The following SRPK2 variants were observed in gnomAD, a reference collection of about 807,000 sequenced individuals.
SRPK2 encodes the protein SRSF protein kinase 2.
A neutral mutation model predicts 90.8 loss-of-function variants in SRPK2; 21 were observed. The observed-to-expected ratio is 0.23, with a 90% confidence interval of 0.16 to 0.33. The LOEUF (loss-of-function observed/expected upper bound fraction) is 0.33. Ranked by LOEUF, SRPK2 falls within the 10% of genes least tolerant of loss-of-function variation. The pLI is 1.00. For synonymous variants in SRPK2, 288 were observed against 311.1 expected (o/e 0.93, Z 0.78); for missense variants, 620 against 869.0 (o/e 0.71, Z 3.60).
rs150413330 is a variant in SRPK2 at position 105,345,408 on chromosome 7, A to G, written c.71+43240T>C. ...TAGATTGAAAAACTAAAATCTAAAC[A>G]GTAGCTTTTGAGTTTGATGAGATAC... On this transcript the variant is annotated intron_variant, in intron 2 of 15. Transcript: ENST00000393651. Among the ~76,000 whole-genome samples, 770 of 152,336 alleles carry G rather than the reference A, an allele frequency of 5.1e-3. 6 individuals are homozygous for G. The highest frequency in any genetic ancestry group is 0.018 in the African/African-American group (736 of 41,578).
intron 2 of SRPK2, among the ~76,000 whole-genome samples, chr7:105,334,619 C>T (rs1228003256): frequency 6.6e-6 from 1 of 151,988 alleles, no homozygotes; most frequent in Non-Finnish European, 1.5e-5. Flanking sequence ...AGGAGGATCA[C>T]TTGAGGTCAG....
chr7:105,235,061 A>G (rs1439280744), intron 2 of SRPK2, among the ~76,000 whole-genome samples: 1 of 145,712 alleles, frequency 6.9e-6, no homozygotes, highest in Non-Finnish European at 1.5e-5. Flanking sequence ...TGTGTGGCCC[A>G]AGCCAATTCT....
intron 2 of SRPK2, among the ~76,000 whole-genome samples, chr7:105,300,125 C>T (rs1045725131): frequency 4.0e-5 from 6 of 151,392 alleles, no homozygotes; most frequent in Admixed American, 1.3e-4. Context: ...ACATGGCGTG[C>T]ATCTGTAGGC....
chr7:105,369,126 T>TTATTATTAA (rs1376228454), intron 2 of SRPK2, among the ~76,000 whole-genome samples: 2 of 2,900 alleles, frequency 6.9e-4, no homozygotes, highest in Non-Finnish European at 2.0e-3. Context: ...AAGATTTATT[T>TTATTATTAA]TATTATTATT....
chr7:105,320,126 T>G (rs1223887858), intron 2 of SRPK2, among the ~76,000 whole-genome samples: 1 of 152,218 alleles, frequency 6.6e-6, no homozygotes, highest in Non-Finnish European at 1.5e-5. Flanking sequence ...CAGGTTGATT[T>G]TGCTATATAT....
intron 2 of SRPK2, among the ~76,000 whole-genome samples, chr7:105,272,025 C>A (rs1004515402): frequency 6.6e-6 from 1 of 152,114 alleles, no homozygotes; most frequent in Non-Finnish European, 1.5e-5. Context: ...TTAGAACCTT[C>A]TAGATTTTGT....
chr7:105,385,169 G>GACAGCAGCCCTCTTTTTAAACAGGAAT (rs1286337318), intron 2 of SRPK2, among the ~76,000 whole-genome samples: 2 of 103,222 alleles, frequency 1.9e-5, no homozygotes, highest in African/African-American at 8.4e-5. Flanking sequence ...ACCGCGCCCG[G>GACAGCAGCCCTCTTTTTAAACAGGAAT]CATTTTTTTT....
intron 2 of SRPK2, among the ~76,000 whole-genome samples, chr7:105,292,468 C>T (rs1408451221): frequency 1.5e-5 from 2 of 132,910 alleles, no homozygotes; most frequent in Non-Finnish European, 3.1e-5. Context: ...TGCCACTACA[C>T]TCCAGCCTGG....
rs1367305284 is a variant in SRPK2 at position 105,350,525 on chromosome 7, TTTTC to T, written c.71+38119_71+38122del. ...ATAACCCTGTGGTTGCTACAATTTT[TTTTC>T]TTTTTTTTTTTTTTTTGAGACGGAA... is the stretch of plus-strand genomic sequence containing the variant. On this transcript the variant is annotated intron_variant, in intron 2 of 15. Transcript: ENST00000393651. Among the ~76,000 whole-genome samples the T allele has an allele frequency of 3.6e-3, 383 of 105,280 alleles. 8 individuals are homozygous for T. In the East Asian group the frequency reaches 0.07, roughly 19 times the overall value. The allele number at this position is 105,280 out of a possible 152,430, so 69.1% of individuals were successfully genotyped here.
In SRPK2 at chr7:105,132,990, A is replaced by G. The variant is rs372108891; in HGVS notation, c.1644+14T>C. The G allele has an allele frequency of 6.2e-7, 1 of 1,614,012 alleles. No individual in the cohort carries two copies. The highest frequency in any genetic ancestry group is 8.5e-7 in the Non-Finnish European group (1 of 1,179,946). On this transcript the variant is annotated intron_variant, in intron 12 of 15. Transcript: ENST00000393651. ...AATCAAGACCAAAGGTTTTAGAAAG[A>G]AAACTCTACTTACCACCCAACAAGC... is the stretch of plus-strand genomic sequence containing the variant.
intron 2 of SRPK2, among the ~76,000 whole-genome samples, chr7:105,214,236 G>C (rs1797184276): frequency 6.6e-6 from 1 of 152,146 alleles, no homozygotes. Context: ...TTTTTTTAAG[G>C]AGCATGAGCC....
chr7:105,142,524 G>C (rs766353442), intron 10 of SRPK2, 34 bp from the exon 11 acceptor site: 5 of 1,570,890 alleles, frequency 3.2e-6, no homozygotes, highest in African/African-American at 1.4e-5. Context: ...ATTAGAACTT[G>C]TTACTCTCCT....
At chr7:105,200,715 T>C (rs1291717598) in intron 3 of SRPK2, among the ~76,000 whole-genome samples, 1 of 152,188 alleles carries the variant, frequency 6.6e-6, no homozygotes, top group Non-Finnish European at 1.5e-5. Context: ...ACAACATCAC[T>C]ACTGTGGCAT....
chr7:105,241,965 T>A (rs1030576654), intron 2 of SRPK2, among the ~76,000 whole-genome samples: 1 of 152,110 alleles, frequency 6.6e-6, no homozygotes, highest in Admixed American at 6.6e-5. Flanking sequence ...CAGTCTGCCA[T>A]ATTCTACCTG....
At position 105,157,374 on chromosome 7, in the gene SRPK2, A is replaced by G. The variant is rs1261723139; in HGVS notation, c.621+3133T>C. On this transcript the variant is annotated intron_variant, in intron 7 of 15. Coordinates refer to ENST00000393651, the MANE Select transcript of SRPK2 (RefSeq NM_182692.3). ...GGTCTGCTCTGGCTTGTTCTGGGAAATGATATAACTGTGTCAGTCTGCAAT... is the reference window on the plus strand; with the variant it reads ...GGTCTGCTCTGGCTTGTTCTGGGAAGTGATATAACTGTGTCAGTCTGCAAT... Among the ~76,000 whole-genome samples the G allele has an allele frequency of 2.0e-5, 3 of 152,206 alleles. 1 individual carries two copies. The highest frequency in any genetic ancestry group is 4.1e-4 in the South Asian group (2 of 4,832).
intron 2 of SRPK2, among the ~76,000 whole-genome samples, chr7:105,261,349 G>A (rs952397934): frequency 5.3e-5 from 8 of 151,908 alleles, no homozygotes; most frequent in African/African-American, 1.5e-4. Context: ...GTGAAACCCC[G>A]TCTCTACTAA....
intron 2 of SRPK2, chr7:105,205,990 G>T (rs1319551775): frequency 3.9e-6 from 2 of 518,968 alleles, no homozygotes; most frequent in Non-Finnish European, 7.7e-6. Flanking sequence ...GACAAGAAAT[G>T]ATGGCTCTTG....
intron 2 of SRPK2, among the ~76,000 whole-genome samples, chr7:105,240,904 T>C (rs1800732284): frequency 6.6e-6 from 1 of 152,212 alleles, no homozygotes; most frequent in Admixed American, 6.5e-5. Flanking sequence ...ACTATGCCAG[T>C]TCACAGCCTG....
intron 2 of SRPK2, among the ~76,000 whole-genome samples, chr7:105,314,796 AC>A (rs1812133313): frequency 1.3e-5 from 2 of 152,344 alleles, no homozygotes; most frequent in South Asian, 4.1e-4. Context: ...CAAAAGAAAA[AC>A]CTGTAAACAT....
Sources: gnomAD v4.1 joint callset for allele counts (sites outside exome capture counted in the v4.1 genomes callset) on GRCh38, gnomAD v4.1.1 for gene constraint, MANE v1.5 for transcripts, NCBI Gene and HGNC (gene_info 2026-07-23, HGNC 2026-07-21) for gene names.